The following PTGER3 variants were observed in gnomAD, a reference collection of about 807,000 sequenced individuals.
PTGER3 encodes prostaglandin E2 receptor EP3 subtype.
PTGER3 carries 22 observed loss-of-function variants against 34.7 expected under a neutral mutation model. That is an observed-to-expected ratio of 0.63 (90% CI 0.45 to 0.91). The LOEUF is 0.91. Ranked by LOEUF, PTGER3 falls within the 40% of genes least tolerant of loss-of-function variation. The pLI is 0.00. For synonymous variants in PTGER3, 241 were observed against 230.1 expected (o/e 1.05, Z -0.43); for missense variants, 468 against 519.4 (o/e 0.90, Z 0.96).
rs768324397 is a variant in PTGER3 at position 70,869,242 on chromosome 1, A to T, written c.*24-16383T>A. The stretch of plus-strand genomic sequence containing the variant: ...AACCAAATTTTGCAAGAACTCACTC[A>T]CTATCATGAGAACTGCACCAAGTCC... On this transcript the variant is annotated intron_variant, in intron 4 of 4. Transcript: ENST00000370931. 61 of 469,800 alleles carry T rather than the reference A, an allele frequency of 1.3e-4. 1 individual carries two copies. The highest frequency in any genetic ancestry group is 9.2e-4 in the South Asian group (59 of 64,278). The allele number at this position is 469,800 out of a possible 1,614,324, so 29.1% of individuals were successfully genotyped here. A position where few individuals can be genotyped will look rare whatever the true frequency, so the allele number is the denominator to read the frequency against.
At chr1:71,015,757 CAA>C (rs1256871799) in intron 1 of PTGER3, among the ~76,000 whole-genome samples, 6 of 152,100 alleles carry the variant, frequency 3.9e-5, no homozygotes, top group African/African-American at 9.7e-5. Flanking sequence ...AGCAGACAGA[CAA>C]GAGAGAGAGG....
intron 4 of PTGER3, among the ~76,000 whole-genome samples, chr1:70,919,781 A>T (rs992733336): frequency 2.0e-5 from 3 of 152,160 alleles, no homozygotes; most frequent in African/African-American, 7.2e-5. Context: ...TACTCTGTGT[A>T]GTAGAGAGGA....
intron 1 of PTGER3, among the ~76,000 whole-genome samples, chr1:71,017,464 C>T (rs1658007564): frequency 1.3e-5 from 2 of 152,070 alleles, no homozygotes; most frequent in South Asian, 2.1e-4. Flanking sequence ...ATGTGTGTTG[C>T]TCTTAAGCCA....
chr1:71,015,787 T>C lies in PTGER3; in HGVS notation c.898-3303A>G, dbSNP rs564366603. On this transcript the variant is annotated intron_variant, in intron 1 of 3. Transcript: ENST00000306666. ...GAGAGAGGAAATAATACACGAAAATTCTTACAAGACTGTGTGACACTGGTA... is the reference window on the plus strand; with the variant it reads ...GAGAGAGGAAATAATACACGAAAATCCTTACAAGACTGTGTGACACTGGTA... Among the ~76,000 whole-genome samples, 187 of 152,330 alleles carry C rather than the reference T, an allele frequency of 1.2e-3. 2 individuals are homozygous for C. Among genetic ancestry groups the C allele is most frequent in the Middle Eastern group, 6.8e-3 (2 of 294 alleles).
At chr1:71,021,987 G>A (rs1482453181) in intron 1 of PTGER3, among the ~76,000 whole-genome samples, 1 of 151,822 alleles carries the variant, frequency 6.6e-6, no homozygotes, top group African/African-American at 2.4e-5. Context: ...GAAAATAAAT[G>A]TTGCACAGTA....
intron 2 of PTGER3, among the ~76,000 whole-genome samples, chr1:70,978,525 T>C (rs1653930177): frequency 6.6e-6 from 1 of 152,096 alleles, no homozygotes; most frequent in South Asian, 2.1e-4. Context: ...GAAACACAAA[T>C]CCAGGCTTCT....
At chr1:70,918,780 A>ATTC (rs1216170613) in intron 4 of PTGER3, among the ~76,000 whole-genome samples, 7 of 152,072 alleles carry the variant, frequency 4.6e-5, no homozygotes, top group African/African-American at 1.4e-4. Context: ...ATAGCTTTCC[A>ATTC]ATTTGTGATG....
At chr1:70,988,577 C>T (rs578176859) in intron 2 of PTGER3, among the ~76,000 whole-genome samples, 39 of 152,198 alleles carry the variant, frequency 2.6e-4, no homozygotes, top group African/African-American at 8.9e-4. Context: ...GGCTGGAGCT[C>T]GAGCAGCTAT....
At chr1:70,884,755 G>A (rs1234576568) in intron 4 of PTGER3, among the ~76,000 whole-genome samples, 1 of 152,182 alleles carries the variant, frequency 6.6e-6, no homozygotes, top group South Asian at 2.1e-4. Flanking sequence ...GTCTTATCAT[G>A]TGTGTCCCTT....
intron 4 of PTGER3, among the ~76,000 whole-genome samples, chr1:70,927,261 A>C (rs1648190119): frequency 6.6e-6 from 1 of 152,074 alleles, no homozygotes; most frequent in Non-Finnish European, 1.5e-5. Context: ...GAATGGTACC[A>C]GTTCTTCCTT....
intron 1 of PTGER3, among the ~76,000 whole-genome samples, chr1:71,016,739 G>T (rs1657937542): frequency 6.6e-6 from 1 of 151,484 alleles, no homozygotes; most frequent in Non-Finnish European, 1.5e-5. Context: ...GGAGGCAGAT[G>T]TTGCAGTGAG....
chr1:70,957,765 T>A (rs1374936434), intron 2 of PTGER3, among the ~76,000 whole-genome samples: 1 of 152,170 alleles, frequency 6.6e-6, no homozygotes, highest in East Asian at 1.9e-4. Flanking sequence ...CTATAGTCAC[T>A]GTATTGTGTA....
chr1:70,857,285 A>G (rs1331702432), intron 4 of PTGER3, among the ~76,000 whole-genome samples: 3 of 152,170 alleles, frequency 2.0e-5, no homozygotes, highest in Non-Finnish European at 4.4e-5. Context: ...TCATTTCTGA[A>G]GGAAAATGTT....
At position 71,024,814 on chromosome 1, in the gene PTGER3, C is replaced by T. The variant is rs186165384; in HGVS notation, c.898-12330G>A. 8.1e-3 allele frequency among the ~76,000 whole-genome samples: 1,234 copies of T among 151,650 alleles called. 21 individuals are homozygous for T. Among genetic ancestry groups the T allele is most frequent in the African/African-American group, 0.028 (1,157 of 41,414 alleles). On this transcript the variant is annotated intron_variant, in intron 1 of 3. Transcript: ENST00000306666. ...AGGTGATCCACCTGCCTCAACCTCC[C>T]AGTGTGCTGGGATTCCAGTCATGAG...
intron 1 of PTGER3, among the ~76,000 whole-genome samples, chr1:71,025,221 A>G (rs1658821357): frequency 6.7e-6 from 1 of 148,578 alleles, no homozygotes; most frequent in Admixed American, 6.7e-5. Context: ...CCAGGATAAC[A>G]GCTTCAAACT....
At chr1:70,869,823 C>T (rs748015388) in intron 4 of PTGER3, among the ~76,000 whole-genome samples, 1 of 152,256 alleles carries the variant, frequency 6.6e-6, no homozygotes, top group East Asian at 1.9e-4. Context: ...TCGCAGGGTT[C>T]GGTCCCTGTG....
At position 70,957,396 on chromosome 1, in the gene PTGER3, T is replaced by A. The variant is rs143898629; in HGVS notation, c.1078-3607A>T. Among the ~76,000 whole-genome samples, 516 of 152,294 alleles carry A rather than the reference T, an allele frequency of 3.4e-3. 6 individuals are homozygous for A. The highest frequency in any genetic ancestry group is 0.012 in the African/African-American group (492 of 41,542). Reference sequence around the variant, plus strand: ...CAATATAAATAGAGCAATTTGACCTTCATTTAACTTGATCATTTAAAATCC... The same window carrying A: ...CAATATAAATAGAGCAATTTGACCTACATTTAACTTGATCATTTAAAATCC... On this transcript the variant is annotated intron_variant, in intron 2 of 3. Transcript: ENST00000356595.
At chr1:71,020,589 A>G (rs1658316396) in intron 1 of PTGER3, among the ~76,000 whole-genome samples, 2 of 151,954 alleles carry the variant, frequency 1.3e-5, no homozygotes, top group African/African-American at 4.8e-5. Context: ...TTCCTCTTCA[A>G]AAAAAAACTC....
In PTGER3 at chr1:70,880,088, C is replaced by CA. The variant is rs537038650; in HGVS notation, c.*24-27230dup. ...GCCTGGTGACAGTGAGATTCCCTCT[C>CA]AAAAAAAAAAAATTGATATGTGTAG... On this transcript the variant is annotated intron_variant, in intron 4 of 4. Coordinates refer to the PTGER3 transcript ENST00000370931. Among the ~76,000 whole-genome samples, 475 of 141,952 alleles carry CA rather than the reference C, an allele frequency of 3.3e-3. 3 individuals carry two copies. Among genetic ancestry groups the CA allele is most frequent in the South Asian group, 0.016 (72 of 4,510 alleles). The allele number at this position is 141,952 out of a possible 152,430, so 93.1% of individuals were successfully genotyped here.
Sources: gnomAD v4.1 joint callset for allele counts (sites outside exome capture counted in the v4.1 genomes callset) on GRCh38, gnomAD v4.1.1 for gene constraint, MANE v1.5 for transcripts, NCBI Gene and HGNC (gene_info 2026-07-23, HGNC 2026-07-21) for gene names.